UPP1: variants seen among roughly 807,000 people sequenced by gnomAD.
UPP1 encodes the protein uridine phosphorylase 1.
In UPP1, 25 loss-of-function variants were observed where a neutral mutation model predicts 29.6. The ratio of observed to expected loss-of-function variants is 0.85; its 90% CI spans 0.62 to 1.18. The LOEUF is 1.18. Ranked by LOEUF, UPP1 falls within the 50% of genes most tolerant of loss-of-function variation. The probability of loss-of-function intolerance (pLI) is 0.00; values close to 1 mark genes in which losing one functional copy is unlikely to be tolerated. For synonymous variants in UPP1, 165 were observed against 159.8 expected (o/e 1.03, Z -0.25); for missense variants, 368 against 410.4 (o/e 0.90, Z 0.89).
chr7:48,104,466 T>C (rs1364306596), intron 6 of UPP1, among the ~76,000 whole-genome samples: 1 of 152,176 alleles, frequency 6.6e-6, no homozygotes, highest in African/African-American at 2.4e-5. Context: ...GAAGCCTGCA[T>C]GTGCCCTAGA....
At chr7:48,097,972 A>G (rs1257349554) in intron 3 of UPP1, among the ~76,000 whole-genome samples, 32 of 152,248 alleles carry the variant, frequency 2.1e-4, no homozygotes, top group East Asian at 1.9e-4. Context: ...GATCCCCCCA[A>G]TAGCTTGTCA....
At chr7:48,091,470 C>T (rs1340529275) in intron 2 of UPP1, among the ~76,000 whole-genome samples, 1 of 151,856 alleles carries the variant, frequency 6.6e-6, no homozygotes, top group African/African-American at 2.4e-5. Flanking sequence ...GGGAGGGGAG[C>T]GAAGAGCATG....
chr7:48,094,807 A>G lies in UPP1; in HGVS notation c.24A>G (p.Ala8=). 6.2e-7 allele frequency: 1 copy of G among 1,613,642 alleles called. No homozygotes were observed. The highest frequency in any genetic ancestry group is 8.5e-7 in the Non-Finnish European group (1 of 1,179,654). ...GAATGGCGGCCACGGGAGCCAATGC[A>G]GAGAAAGCTGAAAGTCACAAGTAAG... MAATGAN[A]EKAESHNDCP... is the part of the protein sequence containing the mutation. Residue 8 remains alanine (A), a synonymous_variant, in exon 3 of 9, where the codon GCA becomes GCG. Transcript: ENST00000395564.
intron 2 of UPP1, among the ~76,000 whole-genome samples, chr7:48,090,589 T>A (rs1291176353): frequency 1.3e-5 from 2 of 152,230 alleles, no homozygotes; most frequent in Non-Finnish European, 2.9e-5. Context: ...GTTCCATTCA[T>A]TGGCTGTAAC....
intron 6 of UPP1, chr7:48,105,330 T>G (rs1384726759): frequency 1.3e-5 from 2 of 152,260 alleles, no homozygotes; most frequent in African/African-American, 2.4e-5. Flanking sequence ...AGACTCTGAA[T>G]TGCCCAGAAC....
At position 48,106,938 on chromosome 7, in the gene UPP1, G is replaced by T; in HGVS notation, c.502G>T (p.Glu168Ter). ...AVDTCFKAEF[E>*]QIVLGKRVIR... ...GGATACCTGCTTCAAGGCAGAGTTT[G>T]AGCAGATTGTCCTGGGGAAGCGGGT... is the stretch of plus-strand genomic sequence containing the variant. The change falls in exon 7 of 9, where the codon GAG (glutamate) becomes TAG (stop). Residue 168 changes from glutamate (E) to a stop codon, truncating the protein, a stop_gained. Coordinates refer to ENST00000395564, the MANE Select transcript of UPP1 (RefSeq NM_003364.4). LOFTEE classifies it high-confidence loss of function. 1 of 1,613,610 alleles carries T rather than the reference G, an allele frequency of 6.2e-7. No individual in the cohort carries two copies. Among genetic ancestry groups the T allele is most frequent in the South Asian group, 1.1e-5 (1 of 91,030 alleles).
chr7:48,094,858 G>C, intron 3 of UPP1, 31 bp downstream of exon 3: 1 of 1,611,672 alleles, frequency 6.2e-7, no homozygotes, highest in South Asian at 1.1e-5. Flanking sequence ...AGGTTGGGTT[G>C]GGTGGGGTTG....
At chr7:48,092,771 C>T (rs1403568032) in intron 2 of UPP1, among the ~76,000 whole-genome samples, 2 of 150,738 alleles carry the variant, frequency 1.3e-5, no homozygotes, top group Admixed American at 6.6e-5. Context: ...GGCATGATCT[C>T]GACTCACTAC....
At chr7:48,100,828 G>A (rs150628642) in intron 4 of UPP1, among the ~76,000 whole-genome samples, 215 of 152,134 alleles carry the variant, frequency 1.4e-3, no homozygotes, top group African/African-American at 4.8e-3. Flanking sequence ...AAGTTAATCC[G>A]TAGTGATTTT....
intron 3 of UPP1, among the ~76,000 whole-genome samples, chr7:48,096,076 C>T (rs1583860203): frequency 6.6e-6 from 1 of 152,160 alleles, no homozygotes; most frequent in East Asian, 1.9e-4. Context: ...AGGTTGAGGC[C>T]TAGTAGGAGG....
intron 3 of UPP1, among the ~76,000 whole-genome samples, chr7:48,099,373 T>C (rs1792294046): frequency 6.6e-6 from 1 of 152,204 alleles, no homozygotes; most frequent in African/African-American, 2.4e-5. Context: ...CCCTACTCCT[T>C]GTATGGGTAG....
At chr7:48,102,178 C>A (rs965962891) in intron 5 of UPP1, among the ~76,000 whole-genome samples, 196 bp downstream of exon 5, 1 of 152,094 alleles carries the variant, frequency 6.6e-6, no homozygotes, top group Admixed American at 6.5e-5. Flanking sequence ...TCTCCAGGGG[C>A]GACTAAGTAC....
rs1217919596 is a variant in UPP1 at position 48,090,340 on chromosome 7, C to T, written c.-46C>T. ...GCGCCTCCCACTGCAGACGTCTGTC[C>T]GCCTCCAGCCGCTCTCCTCTGACGG... is the stretch of plus-strand genomic sequence containing the variant. On this transcript the variant is annotated 5_prime_UTR_variant, in exon 2 of 9. Coordinates refer to ENST00000395564, the MANE Select transcript of UPP1 (RefSeq NM_003364.4). 2 of 152,248 alleles carry T rather than the reference C, an allele frequency of 1.3e-5. No individual in the cohort carries two copies. The highest frequency in any genetic ancestry group is 2.1e-4 in the South Asian group (1 of 4,832). 9.4% of individuals were successfully genotyped at this position (152,248 alleles called of 1,614,324 possible).
chr7:48,091,310 G>A (rs113499504), intron 2 of UPP1, among the ~76,000 whole-genome samples: 15,633 of 139,386 alleles, frequency 0.11, 2,683 homozygotes, highest in African/African-American at 0.38. Context: ...TTTTAAGTAA[G>A]ATGGATCTGG....
At chr7:48,102,008 C>A in intron 5 of UPP1, 26 bp downstream of exon 5, 1 of 1,607,682 alleles carries the variant, frequency 6.2e-7, no homozygotes, top group South Asian at 1.1e-5. Flanking sequence ...CCCTTGTGCT[C>A]AGTCTCTAGG....
At chr7:48,099,563 C>T (rs1792304171) in intron 3 of UPP1, 107 bp from the exon 4 acceptor site, 1 of 776,536 alleles carries the variant, frequency 1.3e-6, no homozygotes, top group Non-Finnish European at 2.2e-6. Flanking sequence ...CTGGCCCTGT[C>T]TTTCTCCCAC....
intron 6 of UPP1, 29 bp from the exon 7 acceptor site, chr7:48,106,844 C>T: frequency 6.2e-7 from 1 of 1,609,742 alleles, no homozygotes; most frequent in South Asian, 1.1e-5. Context: ...TTACACCCTG[C>T]ATATCTTGAT....
At chr7:48,098,889 T>C (rs1792269803) in intron 3 of UPP1, among the ~76,000 whole-genome samples, 1 of 152,178 alleles carries the variant, frequency 6.6e-6, no homozygotes, top group African/African-American at 2.4e-5. Context: ...GAGGGACTCA[T>C]CTAGACCTGG....
At chr7:48,097,176 A>C (rs1379010216) in intron 3 of UPP1, among the ~76,000 whole-genome samples, 1 of 152,216 alleles carries the variant, frequency 6.6e-6, no homozygotes, top group East Asian at 1.9e-4. Context: ...ATCCTTCAAA[A>C]AATAAATTGG....
Sources: gnomAD v4.1 joint callset for allele counts (sites outside exome capture counted in the v4.1 genomes callset) on GRCh38, gnomAD v4.1.1 for gene constraint, MANE v1.5 for transcripts, NCBI Gene and HGNC (gene_info 2026-07-23, HGNC 2026-07-21) for gene names.